ATRN: variants seen among roughly 807,000 people sequenced by gnomAD.
ATRN encodes the protein attractin-2.
ATRN carries 54 observed loss-of-function variants against 178.7 expected under a neutral mutation model. The observed-to-expected ratio is 0.30, with a 90% CI of 0.24 to 0.38. The LOEUF (loss-of-function observed/expected upper bound fraction) is 0.38, where lower values mean the gene tolerates loss of function less well. Ranked by LOEUF, ATRN falls within the 10% of genes least tolerant of loss-of-function variation. ATRN has a pLI of 1.00. For missense variants in ATRN, 1,443 were observed against 1,815.1 expected (o/e 0.79, Z 3.73); for synonymous variants, 636 against 663.0 (o/e 0.96, Z 0.63).
chr20:3,490,953 A>T, intron 1 of ATRN: 1 of 1,519,848 alleles, frequency 6.6e-7, no homozygotes, highest in South Asian at 1.1e-5. Flanking sequence ...GACGTCCATG[A>T]GCCTTTCCTT....
At chr20:3,617,685 A>G (rs1290576133) in intron 24 of ATRN, among the ~76,000 whole-genome samples, 1 of 152,104 alleles carries the variant, frequency 6.6e-6, no homozygotes, top group African/African-American at 2.4e-5. Flanking sequence ...ACACAATGAA[A>G]AGAATAATAC....
At chr20:3,525,668 C>T (rs1157048675) in intron 1 of ATRN, among the ~76,000 whole-genome samples, 5 of 152,136 alleles carry the variant, frequency 3.3e-5, no homozygotes, top group East Asian at 3.9e-4. Context: ...ACTGGCACAC[C>T]GAATCCAGCA....
chr20:3,578,808 A>T, intron 15 of ATRN, 36 bp downstream of exon 15: 1 of 1,579,684 alleles, frequency 6.3e-7, no homozygotes, highest in East Asian at 2.2e-5. Context: ...GTTTCTGGTT[A>T]TCCACCTTTC....
At position 3,554,305 on chromosome 20, in the gene ATRN, T is replaced by TTTTTTTTA. The variant is rs1555815681; in HGVS notation, c.1112+4970_1112+4971insTTTTATTT. On this transcript the variant is annotated intron_variant, in intron 6 of 28. Coordinates refer to ENST00000262919, the MANE Select transcript of ATRN (RefSeq NM_139321.3). Reference sequence around the variant, plus strand: ...TGTTTCTGGAACTTAGATTACAGATTTTTATTTATTTATTTATTTATTTAT... The same window carrying TTTTTTTTA: ...TGTTTCTGGAACTTAGATTACAGATTTTTTTTTATTTATTTATTTATTTATTTATTTAT... Among the ~76,000 whole-genome samples the TTTTTTTTA allele has an allele frequency of 1.0e-3, 146 of 139,230 alleles. No homozygotes were observed. The Middle Eastern group carries it at 0.014, about 14-fold the overall frequency. The allele number at this position is 139,230 out of a possible 152,430, so 91.3% of individuals were successfully genotyped here.
At chr20:3,499,577 T>C (rs892365346) in intron 1 of ATRN, among the ~76,000 whole-genome samples, 7 of 151,272 alleles carry the variant, frequency 4.6e-5, no homozygotes, top group South Asian at 4.2e-4. Flanking sequence ...AAAACAAGCA[T>C]TGGGGAAAGG....
intron 1 of ATRN, among the ~76,000 whole-genome samples, chr20:3,514,964 TAAAAG>T (rs1008561969): frequency 2.0e-5 from 3 of 151,774 alleles, no homozygotes; most frequent in African/African-American, 7.3e-5. Flanking sequence ...CTCAAAAAAA[TAAAAG>T]AAAAAAAGAT....
chr20:3,643,772 CAG>C (rs2087086885), intron 27 of ATRN, among the ~76,000 whole-genome samples: 1 of 152,196 alleles, frequency 6.6e-6, no homozygotes, highest in African/African-American at 2.4e-5. Flanking sequence ...GCCAGGTATG[CAG>C]AACTATCTGA....
chr20:3,587,078 A>G (rs2086368418), intron 18 of ATRN, among the ~76,000 whole-genome samples: 1 of 152,034 alleles, frequency 6.6e-6, no homozygotes, highest in Admixed American at 6.5e-5. Context: ...TTTTTCAGTT[A>G]TGTTGTCTTT....
rs565998308 is a variant in ATRN, at chr20:3,545,968, A to G, written c.737+78A>G. On this transcript the variant is annotated intron_variant, in intron 4 of 28. Transcript: ENST00000262919. ...TGTTTTAACAACAATAATGGCTAAC[A>G]TAGATTGAGAGCCAGGCATAGCGTC... The G allele has an allele frequency of 1.1e-4, 167 of 1,488,646 alleles. 1 individual carries two copies. In the Middle Eastern group the frequency reaches 1.5e-3, roughly 13 times the overall value. The allele number at this position is 1,488,646 out of a possible 1,614,324, so 92.2% of individuals were successfully genotyped here.
At chr20:3,585,101 G>A (rs73074633) in intron 18 of ATRN, among the ~76,000 whole-genome samples, 4,316 of 152,216 alleles carry the variant, frequency 0.028, 85 homozygotes, top group Non-Finnish European at 0.043. Flanking sequence ...CTAAGAAATT[G>A]GCCTTTGATT....
intron 1 of ATRN, among the ~76,000 whole-genome samples, chr20:3,527,082 G>A (rs1045313420): frequency 1.3e-5 from 2 of 152,124 alleles, no homozygotes; most frequent in African/African-American, 4.8e-5. Flanking sequence ...TGACAAATGG[G>A]ATCTAATTAA....
At position 3,580,103 on chromosome 20, in the gene ATRN, G is replaced by A. The variant is rs542224891; in HGVS notation, c.2544+1331G>A. Among the ~76,000 whole-genome samples the A allele has an allele frequency of 2.9e-4, 44 of 152,286 alleles. No individual in the cohort carries two copies. The East Asian group carries it at 8.3e-3, about 29-fold the overall frequency. ...TTCAGATTTCAGAATCTCCATTGGT[G>A]ACTGTCTCTGTTGTTTCTCTTTCCA... On this transcript the variant is annotated intron_variant, in intron 15 of 28. Coordinates refer to ENST00000262919, the MANE Select transcript of ATRN (RefSeq NM_139321.3).
chr20:3,644,621 C>T (rs1297871904), intron 28 of ATRN, among the ~76,000 whole-genome samples: 2 of 152,178 alleles, frequency 1.3e-5, no homozygotes, highest in East Asian at 3.8e-4. Context: ...TGTCCTGCCC[C>T]TGAATCTGGG....
At chr20:3,490,037 C>T (rs1458818141) in intron 1 of ATRN, 2 of 1,058,720 alleles carry the variant, frequency 1.9e-6, no homozygotes, top group East Asian at 4.7e-5. Flanking sequence ...TCAGAGTATT[C>T]ATAGATCTGG....
In ATRN at chr20:3,638,983, A is replaced by G; in HGVS notation, c.4050+48A>G. 6.7e-7 allele frequency: 1 copy of G among 1,487,946 alleles called. No homozygotes were observed. 92.2% of individuals were successfully genotyped at this position (1,487,946 alleles called of 1,614,324 possible). A position where few individuals can be genotyped will look rare whatever the true frequency, so the allele number is the denominator to read the frequency against. On this transcript the variant is annotated intron_variant, in intron 27 of 28. Transcript: ENST00000262919. The surrounding 1 kb of genome is among the most constrained non-coding windows in gnomAD (Gnocchi z 4.5). ...CCTATAACTTGACTTTTTAAAACTT[A>G]GGCTCCTAAGTCTGGGAAACCAGAG...
At chr20:3,571,916 C>T (rs763628887) in intron 11 of ATRN, among the ~76,000 whole-genome samples, 5 of 151,974 alleles carry the variant, frequency 3.3e-5, no homozygotes, top group Non-Finnish European at 4.4e-5. Flanking sequence ...TAGAGAAATT[C>T]ACCCATTCTT....
chr20:3,562,245 A>G (rs1265387891), intron 8 of ATRN, 31 bp from the exon 9 acceptor site: 1 of 1,582,450 alleles, frequency 6.3e-7, no homozygotes, highest in Non-Finnish European at 8.6e-7. Context: ...GGAGCCTGCC[A>G]TGCTTGCCTT....
chr20:3,535,626 C>CACAT (rs1491226542), intron 2 of ATRN, among the ~76,000 whole-genome samples: 1,258 of 115,804 alleles, frequency 0.011, 9 homozygotes, highest in Middle Eastern at 0.027. Flanking sequence ...CACACACACA[C>CACAT]ATATATATTT....
rs903289849 is a variant in ATRN, at chr20:3,490,684, C to T, written c.410+19167C>T. The T allele has an allele frequency of 6.1e-6, 5 of 815,246 alleles. No individual in the cohort carries two copies. The African/African-American group carries it at 8.4e-5, about 14-fold the overall frequency. 50.5% of individuals were successfully genotyped at this position (815,246 alleles called of 1,614,324 possible). ...TGGATTCTCTGAGCCTTCAGGAGCT[C>T]CTCAAATTTCACTGACATTGGCACA... On this transcript the variant is annotated intron_variant, in intron 1 of 28. Transcript: ENST00000262919.
Sources: allele counts gnomAD v4.1 joint callset (sites outside exome capture counted in the v4.1 genomes callset), GRCh38; gene constraint gnomAD v4.1.1; non-coding constraint Gnocchi (gnomAD v3.1); transcripts MANE v1.5; gene names NCBI Gene and HGNC (gene_info 2026-07-23, HGNC 2026-07-21).